Variants in ERLIN2 observed in about 807,000 individuals in gnomAD.
ERLIN2 encodes the protein ER lipid raft associated 2, also known as erlin-2.
A neutral mutation model predicts 41.5 loss-of-function variants in ERLIN2; 22 were observed. That is an observed-to-expected ratio of 0.53 (90% CI 0.38 to 0.76). The LOEUF (loss-of-function observed/expected upper bound fraction) is 0.76. ERLIN2 is among the 30% of genes least tolerant of loss of function. The pLI is 0.00. For synonymous variants in ERLIN2, 149 were observed against 150.9 expected (o/e 0.99, Z 0.09); for missense variants, 247 against 414.3 (o/e 0.60, Z 3.51).
Position 37,753,516 on chromosome 8 carries a change from C to T in ERLIN2, c.806C>T (p.Ala269Val), listed in dbSNP as rs1803278126. The change falls in exon 11 of 12, where the codon GCC becomes GTC. Residue 269 changes from alanine (A) to valine (V), a missense_variant. This residue lies in a region of ERLIN2 where 153 missense variants were observed against 256.4 expected (regional missense o/e 0.60). Transcript: ENST00000519638. The stretch of plus-strand genomic sequence containing the variant: ...GAGTGCTACACTGCTATGAAAATAG[C>T]CGAAGCCAATAAGGTAAAGACCCCG... ...DAECYTAMKI[A>V]EANKLKLTPE... The T allele has an allele frequency of 6.2e-7, 1 of 1,613,882 alleles. No individual in the cohort carries two copies.
At chr8:37,747,424 A>G in intron 6 of ERLIN2, 1 of 1,608,936 alleles carries the variant, frequency 6.2e-7, no homozygotes, top group Admixed American at 1.7e-5. Flanking sequence ...CCTCTTGCTC[A>G]TGCCTTTGCG....
chr8:37,747,472 T>G, intron 6 of ERLIN2: 1 of 1,612,000 alleles, frequency 6.2e-7, no homozygotes, highest in Non-Finnish European at 8.5e-7. Flanking sequence ...ATTCTGTGCA[T>G]ACGAGTCAGC....
rs1305006911 is a variant in ERLIN2, at chr8:37,755,569, A to ACCCCC, written c.*1462_*1466dup. ...AGCTGACCCCCACCCCCCACCCCCC[A>ACCCCC]CCCCCCCCCCCCGCCAACTCCTATA... On this transcript the variant is annotated 3_prime_UTR_variant, in exon 12 of 12. Transcript: ENST00000519638. 1.2e-4 allele frequency: 7 copies of ACCCCC among 57,600 alleles called. No homozygotes were observed. The highest frequency in any genetic ancestry group is 9.9e-4 in the South Asian group (1 of 1,010). 3.6% of individuals were successfully genotyped at this position (57,600 alleles called of 1,614,324 possible). A position where few individuals can be genotyped will look rare whatever the true frequency, so the allele number is the denominator to read the frequency against.
intron 6 of ERLIN2, chr8:37,745,251 G>A (rs2129685341): frequency 6.4e-6 from 3 of 465,756 alleles, no homozygotes; most frequent in Non-Finnish European, 1.1e-5. Flanking sequence ...TTCTAGAAGT[G>A]AGATGAGAAC....
chr8:37,746,328 ATTATCTAATAC>A lies in ERLIN2; in HGVS notation c.424+1635_424+1645del, dbSNP rs796303637. The A allele has an allele frequency of 8.1e-6, 8 of 985,454 alleles. 1 individual carries two copies. The African/African-American group carries it at 1.4e-4, about 17-fold the overall frequency. The allele number at this position is 985,454 out of a possible 1,614,324, so 61.0% of individuals were successfully genotyped here. On this transcript the variant is annotated intron_variant, in intron 6 of 11. Transcript: ENST00000519638. ...TCCTCTTTGCCCATGTTATTAAAGT[ATTATCTAATAC>A]TTTGAAGTTTACCTGAAGAACCTCT... is the stretch of plus-strand genomic sequence containing the variant.
In ERLIN2 at chr8:37,754,992, C is replaced by T. The variant is rs935206999; in HGVS notation, c.*877C>T. The T allele has an allele frequency of 6.6e-6, 1 of 152,230 alleles. No homozygotes were observed. 9.4% of individuals were successfully genotyped at this position (152,230 alleles called of 1,614,324 possible). On this transcript the variant is annotated 3_prime_UTR_variant, in exon 12 of 12. Transcript: ENST00000519638. Reference sequence around the variant, plus strand: ...TGCCTGACAGGTTATGTGTGCACCTCGAGATGAAGTGTCTTTCTATTATTG... The same window carrying T: ...TGCCTGACAGGTTATGTGTGCACCTTGAGATGAAGTGTCTTTCTATTATTG...
At position 37,754,294 on chromosome 8, in the gene ERLIN2, T is replaced by A. The variant is rs2129730301; in HGVS notation, c.*179T>A. On this transcript the variant is annotated 3_prime_UTR_variant, in exon 12 of 12. Transcript: ENST00000519638. ...GGGAAAGGAGGGTGGGGACTGATGATGGGGGGTTTTATTTCAGGTAAGCAG... is the reference window on the plus strand; with the variant it reads ...GGGAAAGGAGGGTGGGGACTGATGAAGGGGGGTTTTATTTCAGGTAAGCAG... The A allele has an allele frequency of 1.6e-6, 1 of 641,726 alleles. No individual in the cohort carries two copies. Among genetic ancestry groups the A allele is most frequent in the African/African-American group, 1.8e-5 (1 of 54,936 alleles). The allele number at this position is 641,726 out of a possible 1,614,324, so 39.8% of individuals were successfully genotyped here.
intron 6 of ERLIN2, chr8:37,748,113 T>C (rs1411237461): frequency 2.7e-6 from 2 of 741,186 alleles, no homozygotes; most frequent in Non-Finnish European, 2.4e-6. Context: ...AGTAATACAA[T>C]TTAAATGGCA....
In ERLIN2 at chr8:37,749,272, A is replaced by G. The variant is rs117982262; in HGVS notation, c.425-287A>G. 2.6e-3 allele frequency among the ~76,000 whole-genome samples: 394 copies of G among 152,154 alleles called. 3 individuals carry two copies. Among genetic ancestry groups the G allele is most frequent in the Non-Finnish European group, 3.5e-3 (239 of 68,004 alleles). On this transcript the variant is annotated intron_variant, in intron 6 of 11. Coordinates refer to ENST00000519638, the MANE Select transcript of ERLIN2 (RefSeq NM_007175.8). ...TTGTTCTTCCTTTTTTTTCTTTTTA[A>G]GCTCTCACCCCCTGTAGGGCATGGT...
chr8:37,753,319 C>G, intron 10 of ERLIN2, 131 bp from the exon 11 acceptor site: 1 of 734,846 alleles, frequency 1.4e-6, no homozygotes, highest in East Asian at 2.7e-5. Flanking sequence ...AAGCAGTCTG[C>G]CCCAAGTCAC....
At chr8:37,753,871 T>A (rs1458337946) in intron 11 of ERLIN2, 44 bp from the exon 12 acceptor site, 1 of 1,563,608 alleles carries the variant, frequency 6.4e-7, no homozygotes, top group Non-Finnish European at 8.8e-7. Context: ...CCTTCTCTAA[T>A]ATGGTTCAAC....
chr8:37,744,784 A>C, intron 6 of ERLIN2, 88 bp downstream of exon 6: 6 of 1,420,288 alleles, frequency 4.2e-6, no homozygotes, highest in Non-Finnish European at 6.0e-6. Context: ...GGCTGCCTGC[A>C]GGGTGTGATG....
chr8:37,748,051 C>T (rs751315676), intron 6 of ERLIN2: 4 of 1,523,272 alleles, frequency 2.6e-6, no homozygotes, highest in African/African-American at 1.4e-5. Context: ...AAGAGGGTCG[C>T]GCCGAAATGA....
At chr8:37,747,475 G>C (rs760030434) in intron 6 of ERLIN2, 32 of 1,611,410 alleles carry the variant, frequency 2.0e-5, no homozygotes, top group Non-Finnish European at 8.5e-7. Context: ...CTGTGCATAC[G>C]AGTCAGCAAC....
chr8:37,750,866 G>A (rs917890298), intron 9 of ERLIN2, among the ~76,000 whole-genome samples: 22 of 151,908 alleles, frequency 1.4e-4, no homozygotes, highest in Non-Finnish European at 8.8e-5. Flanking sequence ...GGATTACAGC[G>A]GGTGCCGGCA....
At chr8:37,743,774 A>T (rs930441149) in intron 4 of ERLIN2, among the ~76,000 whole-genome samples, 3 of 152,172 alleles carry the variant, frequency 2.0e-5, no homozygotes, top group Non-Finnish European at 4.4e-5. Flanking sequence ...AAGTATCCTA[A>T]CTGCAGCTTA....
intron 6 of ERLIN2, chr8:37,748,094 G>T: frequency 1.1e-6 from 1 of 931,244 alleles, no homozygotes; most frequent in South Asian, 1.3e-5. Context: ...TTTTCCCTGC[G>T]GCTACCTTAG....
At chr8:37,753,188 C>T (rs984044902) in intron 10 of ERLIN2, among the ~76,000 whole-genome samples, 1 of 152,198 alleles carries the variant, frequency 6.6e-6, no homozygotes, top group Non-Finnish European at 1.5e-5. Context: ...TATGTTTGGG[C>T]CATAGCCACA....
intron 10 of ERLIN2, among the ~76,000 whole-genome samples, chr8:37,752,949 A>T (rs879630834): frequency 2.0e-5 from 3 of 152,212 alleles, no homozygotes; most frequent in African/African-American, 4.8e-5. Context: ...GAACTATGTT[A>T]TGTTCGTGGC....
Sources: gnomAD v4.1 joint callset for allele counts (sites outside exome capture counted in the v4.1 genomes callset) on GRCh38, gnomAD v4.1.1 for gene constraint, gnomAD v4.1.1 regional missense constraint, MANE v1.5 for transcripts, NCBI Gene and HGNC (gene_info 2026-07-23, HGNC 2026-07-21) for gene names.